KCNH5: variants seen among roughly 807,000 people sequenced by gnomAD.
The protein encoded by KCNH5 is potassium voltage-gated channel subfamily H member 5, also known as voltage-gated delayed rectifier potassium channel KCNH5.
Under a neutral mutation model 96.1 loss-of-function variants are expected in KCNH5, and 46 were observed. The ratio of observed to expected loss-of-function variants is 0.48; its 90% CI spans 0.38 to 0.61. The LOEUF (loss-of-function observed/expected upper bound fraction) is 0.61. Among genes scored for constraint, KCNH5 ranks in the 20% least tolerant of loss-of-function variants. The pLI is 0.00. For synonymous variants in KCNH5, 439 were observed against 449.8 expected (o/e 0.98, Z 0.30); for missense variants, 907 against 1,225.8 (o/e 0.74, Z 3.88).
At chr14:62,819,078 T>C (rs1203997696) in intron 8 of KCNH5, among the ~76,000 whole-genome samples, 1 of 152,186 alleles carries the variant, frequency 6.6e-6, no homozygotes, top group African/African-American at 2.4e-5. Flanking sequence ...GCCATTCTCC[T>C]GCCTCAGCCT....
At chr14:63,006,565 G>A (rs1386112001) in intron 2 of KCNH5, 93 bp from the exon 3 acceptor site, 1 of 719,590 alleles carries the variant, frequency 1.4e-6, no homozygotes, top group Non-Finnish European at 2.4e-6. Flanking sequence ...CTAGTCAAAT[G>A]TGGCTAGAAA....
chr14:62,962,537 G>T (rs1029676316), intron 6 of KCNH5, among the ~76,000 whole-genome samples: 1 of 152,130 alleles, frequency 6.6e-6, no homozygotes, highest in Non-Finnish European at 1.5e-5. Flanking sequence ...TAGTGAAGAA[G>T]AATATGCCAA....
rs764182640 is a variant in KCNH5 at position 62,849,717 on chromosome 14, C to A, written c.1505G>T (p.Ser502Ile). The change falls in exon 8 of 11, where the codon AGT (serine) becomes ATT (isoleucine). Residue 502 changes from serine to isoleucine, a missense_variant. By Grantham distance (142) the Ser-to-Ile change is moderately radical (BLOSUM62 -2). Coordinates refer to ENST00000322893, the MANE Select transcript of KCNH5 (RefSeq NM_139318.5). ...GACAATATAATCCATGACTCGCTCA[C>A]TAAGGCCTTTTGGGACCTGATAGAG... ...LKLYQVPKGL[S>I]ERVMDYIVST... is the part of the protein sequence containing the mutation. The A allele has an allele frequency of 6.2e-7, 1 of 1,613,918 alleles. No homozygotes were observed. Among genetic ancestry groups the A allele is most frequent in the Admixed American group, 1.7e-5 (1 of 60,012 alleles).
intron 4 of KCNH5, among the ~76,000 whole-genome samples, chr14:62,987,419 G>A (rs1890730942): frequency 6.6e-6 from 1 of 152,142 alleles, no homozygotes; most frequent in African/African-American, 2.4e-5. Flanking sequence ...CCATATCTGT[G>A]TATAGTCCCT....
chr14:62,772,667 T>G (rs1483897743), intron 10 of KCNH5, among the ~76,000 whole-genome samples: 1 of 151,956 alleles, frequency 6.6e-6, no homozygotes, highest in Non-Finnish European at 1.5e-5. Flanking sequence ...AAGTAGCAGT[T>G]TTTTTAATGT....
chr14:62,920,904 C>CA (rs1431053430), intron 7 of KCNH5, among the ~76,000 whole-genome samples: 1 of 152,112 alleles, frequency 6.6e-6, no homozygotes, highest in Non-Finnish European at 1.5e-5. Context: ...ATTCTTATTA[C>CA]ACAAAGAAAT....
chr14:62,825,989 A>C (rs1258812284), intron 8 of KCNH5, among the ~76,000 whole-genome samples: 1 of 152,132 alleles, frequency 6.6e-6, no homozygotes, highest in African/African-American at 2.4e-5. Flanking sequence ...TTTATATTCT[A>C]TATTATCAGA....
chr14:62,976,402 CAAAAA>C (rs58791042), intron 6 of KCNH5, among the ~76,000 whole-genome samples: 7 of 85,318 alleles, frequency 8.2e-5, no homozygotes, highest in African/African-American at 2.2e-4. Context: ...GACTCCATGT[CAAAAA>C]AAAAAAAAAA....
chr14:62,788,256 G>C (rs1886359980), intron 9 of KCNH5, among the ~76,000 whole-genome samples: 1 of 152,156 alleles, frequency 6.6e-6, no homozygotes, highest in South Asian at 2.1e-4. Flanking sequence ...GACTTCAGTG[G>C]AGGAAGTAAC....
intron 7 of KCNH5, among the ~76,000 whole-genome samples, chr14:62,879,019 G>A (rs969779602): frequency 1.3e-5 from 2 of 152,110 alleles, no homozygotes; most frequent in African/African-American, 4.8e-5. Context: ...GTAGGAATTT[G>A]AGGTACTGGG....
chr14:62,928,595 G>A (rs1251045981), intron 7 of KCNH5, among the ~76,000 whole-genome samples: 3 of 151,948 alleles, frequency 2.0e-5, no homozygotes, highest in East Asian at 1.9e-4. Context: ...TTGTAAGAGC[G>A]TTTGCCCCCA....
intron 9 of KCNH5, among the ~76,000 whole-genome samples, chr14:62,797,209 A>G (rs2139994597): frequency 6.6e-6 from 1 of 152,324 alleles, no homozygotes; most frequent in Non-Finnish European, 1.5e-5. Context: ...TAAACTACCA[A>G]GATTGTTAAA....
intron 7 of KCNH5, among the ~76,000 whole-genome samples, chr14:62,855,698 T>C (rs1341230421): frequency 6.6e-6 from 1 of 152,162 alleles, no homozygotes; most frequent in Non-Finnish European, 1.5e-5. Flanking sequence ...ATTTTTAATA[T>C]GTAATATAGT....
rs140213486 is a variant in KCNH5 at position 62,862,122 on chromosome 14, C to A, written c.1370-12270G>T. On this transcript the variant is annotated intron_variant, in intron 7 of 10. Coordinates refer to ENST00000322893, the MANE Select transcript of KCNH5 (RefSeq NM_139318.5). ...CAGCATGTAAAAGAAGCAACAAATA[C>A]AGAATATAACTTACATCACTTTTTC... Among the ~76,000 whole-genome samples, 485 of 152,238 alleles carry A rather than the reference C, an allele frequency of 3.2e-3. 3 individuals carry two copies. The highest frequency in any genetic ancestry group is 0.011 in the African/African-American group (474 of 41,534).
chr14:62,974,523 A>G (rs1890466711), intron 6 of KCNH5, among the ~76,000 whole-genome samples: 1 of 152,194 alleles, frequency 6.6e-6, no homozygotes, highest in South Asian at 2.1e-4. Flanking sequence ...GCCTTCTTTA[A>G]TGGAATCTGT....
At chr14:62,765,462 C>A (rs1453998864) in intron 10 of KCNH5, among the ~76,000 whole-genome samples, 1 of 151,920 alleles carries the variant, frequency 6.6e-6, no homozygotes, top group Non-Finnish European at 1.5e-5. Flanking sequence ...TAGGTCCTGG[C>A]AAAGATTTCA....
chr14:62,835,988 T>G (rs1056913947), intron 8 of KCNH5, among the ~76,000 whole-genome samples: 10 of 152,080 alleles, frequency 6.6e-5, no homozygotes, highest in Non-Finnish European at 1.0e-4. Flanking sequence ...CTGCCGAATT[T>G]AGATTACAGA....
At chr14:63,004,985 A>G (rs1891098521) in intron 3 of KCNH5, among the ~76,000 whole-genome samples, 1 of 152,190 alleles carries the variant, frequency 6.6e-6, no homozygotes, top group Admixed American at 6.5e-5. Flanking sequence ...AAATTATTGA[A>G]GGCTTAACAA....
intron 10 of KCNH5, among the ~76,000 whole-genome samples, chr14:62,728,890 G>A (rs1884991920): frequency 6.6e-6 from 1 of 152,204 alleles, no homozygotes; most frequent in African/African-American, 2.4e-5. Flanking sequence ...TTAGTAGACA[G>A]GTGTAGAAGA....
Sources: allele counts gnomAD v4.1 joint callset (sites outside exome capture counted in the v4.1 genomes callset), GRCh38; gene constraint gnomAD v4.1.1; transcripts MANE v1.5; gene names NCBI Gene and HGNC (gene_info 2026-07-23, HGNC 2026-07-21).